FAT3: variants seen among roughly 807,000 people sequenced by gnomAD.
FAT3 encodes the protein FAT atypical cadherin 3, also known as protocadherin Fat 3.
Under a neutral mutation model 310.2 loss-of-function variants are expected in FAT3, and 95 were observed. The ratio of observed to expected loss-of-function variants is 0.31; its 90% confidence interval spans 0.26 to 0.36. FAT3 has a LOEUF of 0.36. Ranked by LOEUF, FAT3 falls within the 10% of genes least tolerant of loss-of-function variation. The pLI, the probability that FAT3 is intolerant of heterozygous loss-of-function variation, is 1.00. For synonymous variants in FAT3, 2,314 were observed against 2,192.9 expected (o/e 1.06, Z -1.54); for missense variants, 5,408 against 5,715.6 (o/e 0.95, Z 1.74).
chr11:92,528,422 A>G (rs114411976), intron 3 of FAT3, among the ~76,000 whole-genome samples: 2 of 152,146 alleles, frequency 1.3e-5, no homozygotes, highest in East Asian at 1.9e-4. Flanking sequence ...CAGTTCGCTC[A>G]GTCGCCCAGG....
chr11:92,854,815 A>G (rs1948927392), intron 19 of FAT3, among the ~76,000 whole-genome samples: 1 of 152,230 alleles, frequency 6.6e-6, no homozygotes, highest in South Asian at 2.1e-4. Context: ...ATTAGAACAG[A>G]ACAGCCTATT....
At chr11:92,730,584 T>C (rs1261963799) in intron 4 of FAT3, among the ~76,000 whole-genome samples, 1 of 152,156 alleles carries the variant, frequency 6.6e-6, no homozygotes, top group Non-Finnish European at 1.5e-5. Context: ...TTTAAGTTAC[T>C]GTGAAGTTAA....
intron 1 of FAT3, among the ~76,000 whole-genome samples, chr11:92,253,813 T>C (rs2134284191): frequency 6.6e-6 from 1 of 152,284 alleles, no homozygotes; most frequent in East Asian, 1.9e-4. Context: ...GGAATTTGTT[T>C]ACTGCAGAAA....
At chr11:92,470,008 A>G (rs890743979) in intron 2 of FAT3, among the ~76,000 whole-genome samples, 3 of 152,194 alleles carry the variant, frequency 2.0e-5, no homozygotes, top group African/African-American at 7.2e-5. Flanking sequence ...GGAACACTAT[A>G]TTCCCATGAT....
At chr11:92,707,110 A>G (rs1480233596) in intron 4 of FAT3, among the ~76,000 whole-genome samples, 2 of 152,242 alleles carry the variant, frequency 1.3e-5, no homozygotes, top group Non-Finnish European at 2.9e-5. Context: ...GATTCCATAA[A>G]TAGCCACCTC....
intron 2 of FAT3, among the ~76,000 whole-genome samples, chr11:92,507,474 TG>T (rs1412898113): frequency 1.3e-5 from 2 of 152,062 alleles, no homozygotes; most frequent in African/African-American, 4.8e-5. Flanking sequence ...TATATATGTG[TG>T]GGGGTGTGTG....
chr11:92,508,110 T>A (rs1953176293), intron 2 of FAT3, among the ~76,000 whole-genome samples: 1 of 152,090 alleles, frequency 6.6e-6, no homozygotes, highest in Non-Finnish European at 1.5e-5. Context: ...GAAGAAACAA[T>A]AATACAAAAC....
rs987094594 is a variant in FAT3 at position 92,353,400 on chromosome 11, G to T, written c.1288G>T (p.Val430Phe). 1 of 1,613,470 alleles carries T rather than the reference G, an allele frequency of 6.2e-7. No individual in the cohort carries two copies. Among genetic ancestry groups the T allele is most frequent in the Non-Finnish European group, 8.5e-7 (1 of 1,179,752 alleles). ...AATTAATCCTCGGTCGGGTCTGATT[G>T]TTACAGCACGGCCACTGAATACTGT... is the stretch of plus-strand genomic sequence containing the variant. The part of the protein sequence containing the change: ...FKINPRSGLI[V>F]TARPLNTVKK... The change falls in exon 2 of 28, where the codon GTT becomes TTT. Residue 430 changes from valine to phenylalanine, a missense_variant. This residue lies in a region of FAT3 where 4,588 missense variants were observed against 4,809.8 expected (regional missense o/e 0.95). Coordinates refer to ENST00000525166, the MANE Select transcript of FAT3 (RefSeq NM_001367949.2).
chr11:92,718,663 G>A (rs1944763194), intron 4 of FAT3, among the ~76,000 whole-genome samples: 2 of 151,982 alleles, frequency 1.3e-5, no homozygotes, highest in African/African-American at 2.4e-5. Context: ...TCTACAGTAA[G>A]CTCAGTAATG....
At chr11:92,477,289 T>C (rs1466737329) in intron 2 of FAT3, among the ~76,000 whole-genome samples, 2 of 152,208 alleles carry the variant, frequency 1.3e-5, no homozygotes, top group African/African-American at 2.4e-5. Flanking sequence ...GTGAAGTGTA[T>C]TTTTGTCCAC....
intron 1 of FAT3, among the ~76,000 whole-genome samples, chr11:92,237,944 T>C (rs923445959): frequency 1.3e-5 from 2 of 152,114 alleles, no homozygotes; most frequent in African/African-American, 4.8e-5. Flanking sequence ...ATCTACTTTA[T>C]CATACTCTTT....
At chr11:92,658,837 T>C (rs1007773914) in intron 3 of FAT3, among the ~76,000 whole-genome samples, 2 of 152,172 alleles carry the variant, frequency 1.3e-5, no homozygotes, top group East Asian at 3.9e-4. Context: ...GCATAAGCCC[T>C]GTTCAATGAG....
chr11:92,285,257 T>C (rs1207278479), intron 1 of FAT3, among the ~76,000 whole-genome samples: 2 of 146,628 alleles, frequency 1.4e-5, no homozygotes, highest in African/African-American at 2.6e-5. Context: ...TGTGCACAGC[T>C]AAGATTACAA....
chr11:92,591,371 A>G (rs578041448), intron 3 of FAT3, among the ~76,000 whole-genome samples: 1 of 152,234 alleles, frequency 6.6e-6, no homozygotes, highest in South Asian at 2.1e-4. Flanking sequence ...GTCCTTACTT[A>G]TATGTAGCAC....
chr11:92,801,848 C>A lies in FAT3; in HGVS notation c.8835C>A (p.Val2945=), dbSNP rs780735384. The stretch of plus-strand genomic sequence containing the variant: ...ACCCACCGGGCGAGGTGGTAGCCGT[C>A]CTCAGCACCTGGGACAGAGACACAT... ...ESDPPGEVVA[V]LSTWDRDTSD... is the part of the protein sequence containing the mutation. Residue 2945 remains valine (V), a synonymous_variant, in exon 10 of 28, where the codon GTC becomes GTA. Coordinates refer to ENST00000525166, the MANE Select transcript of FAT3 (RefSeq NM_001367949.2). 5 of 1,613,828 alleles carry A rather than the reference C, an allele frequency of 3.1e-6. No individual in the cohort carries two copies. In the African/African-American group the frequency reaches 6.7e-5, roughly 22 times the overall value.
At chr11:92,646,938 C>T (rs1412268195) in intron 3 of FAT3, among the ~76,000 whole-genome samples, 1 of 152,140 alleles carries the variant, frequency 6.6e-6, no homozygotes, top group African/African-American at 2.4e-5. Context: ...AATTGCATCC[C>T]TCATTACAGA....
rs376115733 is a variant in FAT3, at chr11:92,801,145, C to T, written c.8132C>T (p.Ser2711Phe). 1.5e-5 allele frequency: 24 copies of T among 1,613,834 alleles called. No homozygotes were observed. The highest frequency in any genetic ancestry group is 1.9e-5 in the Non-Finnish European group (22 of 1,179,892). Residue 2711 changes from serine to phenylalanine, a missense_variant, in exon 10 of 28, where the codon TCT becomes TTT. Around this residue, in one of 5 missense-constraint regions of FAT3, gnomAD observed 4,588 missense variants for 4,809.8 expected, o/e 0.95. Transcript: ENST00000525166. ...ACGTTCTTGCCATCATTCACCCAGTCTCAGTATTCCTTTACCATTGCAGAA... is the reference window on the plus strand; with the variant it reads ...ACGTTCTTGCCATCATTCACCCAGTTTCAGTATTCCTTTACCATTGCAGAA... ...PETFLPSFTQ[S>F]QYSFTIAEDT...
chr11:92,429,298 A>G (rs534907365), intron 2 of FAT3, among the ~76,000 whole-genome samples: 1 of 152,202 alleles, frequency 6.6e-6, no homozygotes, highest in South Asian at 2.1e-4. Flanking sequence ...GGGTCTCCTG[A>G]ATACAGCAAA....
chr11:92,539,384 C>T (rs553697090), intron 3 of FAT3, among the ~76,000 whole-genome samples: 36 of 152,176 alleles, frequency 2.4e-4, no homozygotes, highest in African/African-American at 8.4e-4. Flanking sequence ...TTATATTTGC[C>T]TGCATATGTT....
Sources: gnomAD v4.1 joint callset for allele counts (sites outside exome capture counted in the v4.1 genomes callset) on GRCh38, gnomAD v4.1.1 for gene constraint, gnomAD v4.1.1 regional missense constraint, MANE v1.5 for transcripts, NCBI Gene and HGNC (gene_info 2026-07-23, HGNC 2026-07-21) for gene names.